QKI: variants seen among roughly 807,000 people sequenced by gnomAD.
The protein encoded by QKI is KH domain-containing RNA-binding protein QKI.
Under a neutral mutation model 39.0 loss-of-function variants are expected in QKI, and 10 were observed. The ratio of observed to expected loss-of-function variants is 0.26; its 90% CI spans 0.16 to 0.43. QKI has a LOEUF of 0.43. QKI is among the 20% of genes least tolerant of loss of function. The pLI, the probability that QKI is intolerant of heterozygous loss-of-function variation, is 1.00. For synonymous variants in QKI, 204 were observed against 155.4 expected (o/e 1.31, Z -2.33); for missense variants, 218 against 428.0 (o/e 0.51, Z 4.33).
At chr6:163,544,457 A>G (rs1781744606) in intron 4 of QKI, among the ~76,000 whole-genome samples, 1 of 151,994 alleles carries the variant, frequency 6.6e-6, no homozygotes, top group South Asian at 2.1e-4. Context: ...CTCTCAAAAG[A>G]ATTAAATTTT....
chr6:163,448,003 TTAAATA>T (rs1790277734), intron 1 of QKI, among the ~76,000 whole-genome samples: 1 of 152,224 alleles, frequency 6.6e-6, no homozygotes, highest in East Asian at 1.9e-4. Flanking sequence ...AAATGTATAC[TTAAATA>T]TAAATTTGAT....
chr6:163,426,860 T>G (rs1173920700), intron 1 of QKI, among the ~76,000 whole-genome samples: 1 of 152,256 alleles, frequency 6.6e-6, no homozygotes, highest in Non-Finnish European at 1.5e-5. Flanking sequence ...CTCTCTTTTC[T>G]AATCATCTTT....
At chr6:163,535,216 A>G in intron 4 of QKI, 91 bp downstream of exon 4, 2 of 1,259,472 alleles carry the variant, frequency 1.6e-6, no homozygotes, top group Non-Finnish European at 2.1e-6. Flanking sequence ...GGAATAGGTT[A>G]TTGGTTGTTA....
At chr6:163,563,394 T>A in intron 5 of QKI, 26 bp from the exon 6 acceptor site, 1 of 1,557,822 alleles carries the variant, frequency 6.4e-7, no homozygotes, top group African/African-American at 1.4e-5. Context: ...TCTATACTTC[T>A]TTCTAAATTT....
At chr6:163,494,002 T>C (rs1375992598) in intron 3 of QKI, among the ~76,000 whole-genome samples, 1 of 151,980 alleles carries the variant, frequency 6.6e-6, no homozygotes, top group East Asian at 1.9e-4. Flanking sequence ...AAATTATACA[T>C]GCAGAATAAT....
intron 4 of QKI, among the ~76,000 whole-genome samples, chr6:163,559,831 T>C (rs7755889): frequency 0.055 from 8,445 of 152,300 alleles, 282 homozygotes; most frequent in African/African-American, 0.092. Flanking sequence ...GAGAAGCCTG[T>C]GTCCTGGTCG....
At chr6:163,490,055 C>A (rs571210470) in intron 3 of QKI, among the ~76,000 whole-genome samples, 3 of 152,256 alleles carry the variant, frequency 2.0e-5, no homozygotes, top group African/African-American at 7.2e-5. Context: ...GTTAATCTTA[C>A]AAATTGTATT....
intron 3 of QKI, among the ~76,000 whole-genome samples, chr6:163,501,939 G>A (rs1476179953): frequency 1.6e-5 from 1 of 62,926 alleles, no homozygotes; most frequent in Non-Finnish European, 3.3e-5. Context: ...AATCCTTTGA[G>A]GATAAAAAAC....
intron 6 of QKI, 114 bp from the exon 7 acceptor site, chr6:163,566,599 TGTTTCTTA>T: frequency 6.5e-7 from 1 of 1,535,998 alleles, no homozygotes; most frequent in Non-Finnish European, 8.8e-7. Flanking sequence ...TGCCTTAACG[TGTTTCTTA>T]AACTTTTGTA....
intron 3 of QKI, among the ~76,000 whole-genome samples, chr6:163,497,076 A>G (rs1778457073): frequency 6.6e-6 from 1 of 152,198 alleles, no homozygotes. Context: ...TGAAGGAAGG[A>G]GTAGTTTGTC....
In QKI at chr6:163,562,088, GC is replaced by G; in HGVS notation, c.634+22del. On this transcript the variant is annotated intron_variant, in intron 5 of 7. Coordinates refer to ENST00000361752, the MANE Select transcript of QKI (RefSeq NM_006775.3). ...AAATCACGTAAGAATGAGCTCTGAG[GC>G]CCAGGGTTACTGCTGTCTGCGTTGT... 6.3e-7 allele frequency: 1 copy of G among 1,594,436 alleles called. No homozygotes were observed. Among genetic ancestry groups the G allele is most frequent in the Non-Finnish European group, 8.6e-7 (1 of 1,168,350 alleles).
At chr6:163,420,946 C>T (rs1787950538) in intron 1 of QKI, among the ~76,000 whole-genome samples, 1 of 152,128 alleles carries the variant, frequency 6.6e-6, no homozygotes. Context: ...AAATTACTTT[C>T]TTGAAGGTGC....
intron 1 of QKI, among the ~76,000 whole-genome samples, chr6:163,418,424 C>T (rs1220734229): frequency 5.9e-5 from 9 of 151,958 alleles, no homozygotes; most frequent in Non-Finnish European, 1.5e-5. Flanking sequence ...GCCAAGTTAA[C>T]CTTTAGTCTG....
chr6:163,490,070 T>C (rs1372661442), intron 3 of QKI, among the ~76,000 whole-genome samples: 2 of 152,174 alleles, frequency 1.3e-5, no homozygotes, highest in Admixed American at 6.6e-5. Context: ...TGTATTCTTA[T>C]CAACTTTCAT....
At chr6:163,455,914 C>T (rs1034722311) in intron 2 of QKI, among the ~76,000 whole-genome samples, 2 of 152,132 alleles carry the variant, frequency 1.3e-5, no homozygotes, top group African/African-American at 2.4e-5. Context: ...GAATAGCCTC[C>T]TTGTCCTATA....
In QKI at chr6:163,415,171, G is replaced by T; in HGVS notation, c.-23G>T. 6.8e-7 allele frequency: 1 copy of T among 1,471,312 alleles called. No homozygotes were observed. Among genetic ancestry groups the T allele is most frequent in the Non-Finnish European group, 9.1e-7 (1 of 1,099,250 alleles). The allele number at this position is 1,471,312 out of a possible 1,614,324, so 91.1% of individuals were successfully genotyped here. On this transcript the variant is annotated 5_prime_UTR_variant, in exon 1 of 8. Transcript: ENST00000361752. ...GCGGCGGCGGCGGCGGCGGCGGGCG[G>T]AGTGAGCTGCGGAGCCTGGAATATG...
chr6:163,442,369 A>G (rs1789827058), intron 1 of QKI, among the ~76,000 whole-genome samples: 2 of 152,344 alleles, frequency 1.3e-5, no homozygotes, highest in South Asian at 4.1e-4. Flanking sequence ...TTTCATGAAC[A>G]GGGATCTCTT....
intron 3 of QKI, 130 bp from the exon 4 acceptor site, chr6:163,534,852 A>G: frequency 1.4e-6 from 1 of 734,980 alleles, no homozygotes; most frequent in African/African-American, 1.8e-5. Flanking sequence ...AAAATAATTC[A>G]AAGACTTGTG....
chr6:163,437,783 T>C lies in QKI; in HGVS notation c.143-17496T>C, dbSNP rs140635910. 3.3e-5 allele frequency among the ~76,000 whole-genome samples: 5 copies of C among 152,324 alleles called. No individual in the cohort carries two copies. In the East Asian group the frequency reaches 9.6e-4, roughly 29 times the overall value. ...AATATACCTTCCAAACTTGTGTCAATATGTATTAGACGCTAAAATGCCCTC... is the reference window on the plus strand; with the variant it reads ...AATATACCTTCCAAACTTGTGTCAACATGTATTAGACGCTAAAATGCCCTC... On this transcript the variant is annotated intron_variant, in intron 1 of 7. Coordinates refer to ENST00000361752, the MANE Select transcript of QKI (RefSeq NM_006775.3).
Sources: gnomAD v4.1 joint callset for allele counts (sites outside exome capture counted in the v4.1 genomes callset) on GRCh38, gnomAD v4.1.1 for gene constraint, MANE v1.5 for transcripts, NCBI Gene and HGNC (gene_info 2026-07-23, HGNC 2026-07-21) for gene names.